DLGAP2: variants seen among roughly 807,000 people sequenced by gnomAD.
The protein encoded by DLGAP2 is disks large-associated protein 2.
A neutral mutation model predicts 100.3 loss-of-function variants in DLGAP2; 26 were observed. The ratio of observed to expected loss-of-function variants is 0.26; its 90% CI spans 0.19 to 0.36. The LOEUF is 0.36. DLGAP2 is among the 10% of genes least tolerant of loss of function. The pLI is 1.00. For synonymous variants in DLGAP2, 886 were observed against 630.1 expected, an observed-to-expected ratio of 1.41 and a Z score of -6.08; for missense variants, 1,858 against 1,453.2, an observed-to-expected ratio of 1.28 and a Z score of -4.53.
At chr8:1,665,541 A>AC (rs58912258) in intron 8 of DLGAP2, among the ~76,000 whole-genome samples, 2 of 152,124 alleles carry the variant, frequency 1.3e-5, no homozygotes, top group African/African-American at 4.8e-5. Context: ...GAAAAATATA[A>AC]TAAGGCAGAT....
intron 2 of DLGAP2, among the ~76,000 whole-genome samples, chr8:1,049,141 T>G (rs1361437127): frequency 2.0e-5 from 3 of 152,212 alleles, no homozygotes; most frequent in Non-Finnish European, 2.9e-5. Context: ...CAATAATGTT[T>G]AGACGACGAC....
intron 3 of DLGAP2, among the ~76,000 whole-genome samples, chr8:1,276,536 C>A (rs1389597328): frequency 6.6e-6 from 1 of 152,060 alleles, no homozygotes; most frequent in Non-Finnish European, 1.5e-5. Context: ...CTTTGCTTTA[C>A]CCTGAAGGTG....
At chr8:1,667,121 C>T (rs546794828) in intron 8 of DLGAP2, among the ~76,000 whole-genome samples, 38 of 152,262 alleles carry the variant, frequency 2.5e-4, no homozygotes, top group Non-Finnish European at 4.4e-4. Context: ...GGAGCAGATT[C>T]CCTTCAAGAA....
chr8:857,424 C>G (rs954170713), intron 1 of DLGAP2, among the ~76,000 whole-genome samples: 1 of 152,106 alleles, frequency 6.6e-6, no homozygotes, highest in East Asian at 1.9e-4. Flanking sequence ...AAAATATTTG[C>G]AAAACACACA....
chr8:951,638 A>G (rs1340937327), intron 2 of DLGAP2, among the ~76,000 whole-genome samples: 2 of 152,138 alleles, frequency 1.3e-5, no homozygotes, highest in Admixed American at 6.6e-5. Context: ...CATGCTCACT[A>G]TTTTTAATAA....
chr8:1,551,528 C>G (rs540855890), intron 5 of DLGAP2, among the ~76,000 whole-genome samples: 1 of 152,322 alleles, frequency 6.6e-6, no homozygotes, highest in East Asian at 1.9e-4. Context: ...TTCTTCCACC[C>G]ACTTCCTCCC....
At position 1,548,826 on chromosome 8, in the gene DLGAP2, G is replaced by A. The variant is rs946633525; in HGVS notation, c.373G>A (p.Ala125Thr). ...GCGGCCGCCCTACCTGCTGAGCCCCGCCGACAGCTGCCCCGGGGGGCGCCA... is the reference window on the plus strand; with the variant it reads ...GCGGCCGCCCTACCTGCTGAGCCCCACCGACAGCTGCCCCGGGGGGCGCCA... Reference protein sequence around the residue: ...DARPPYLLSPADSCPGGRHRC... With the variant: ...DARPPYLLSPTDSCPGGRHRC... Residue 125 changes from alanine (A) to threonine (T), a missense_variant, in exon 5 of 15, where the codon GCC becomes ACC. Transcript: ENST00000637795. 5.1e-6 allele frequency: 8 copies of A among 1,578,538 alleles called. No individual in the cohort carries two copies. Among genetic ancestry groups the A allele is most frequent in the South Asian group, 1.1e-5 (1 of 88,580 alleles).
intron 1 of DLGAP2, among the ~76,000 whole-genome samples, chr8:825,801 A>G (rs1395394219): frequency 6.6e-6 from 1 of 152,182 alleles, no homozygotes; most frequent in Non-Finnish European, 1.5e-5. Flanking sequence ...CAGGATGAAA[A>G]AGGTATCTGT....
intron 5 of DLGAP2, among the ~76,000 whole-genome samples, chr8:1,550,608 G>C (rs1554495910): frequency 6.6e-6 from 1 of 152,132 alleles, no homozygotes; most frequent in East Asian, 1.9e-4. Flanking sequence ...ACTACAAAAA[G>C]CCTGATTATG....
At chr8:1,591,887 C>T (rs550485913) in intron 6 of DLGAP2, among the ~76,000 whole-genome samples, 12 of 152,208 alleles carry the variant, frequency 7.9e-5, no homozygotes, top group Non-Finnish European at 1.5e-4. Flanking sequence ...CAAACTCCCA[C>T]GGACTCCCAG....
chr8:1,691,695 A>C, intron 13 of DLGAP2, 69 bp downstream of exon 13: 3 of 1,314,794 alleles, frequency 2.3e-6, no homozygotes, highest in Non-Finnish European at 2.2e-6. Flanking sequence ...ACAGATTCTC[A>C]TTGTTTTCTT....
chr8:1,056,648 A>C (rs1009983682), intron 2 of DLGAP2, among the ~76,000 whole-genome samples: 1 of 152,254 alleles, frequency 6.6e-6, no homozygotes, highest in Non-Finnish European at 1.5e-5. Flanking sequence ...ATGTGGATTT[A>C]TACAGGGATG....
chr8:1,288,021 T>A (rs1799979822), intron 3 of DLGAP2, among the ~76,000 whole-genome samples: 1 of 87,138 alleles, frequency 1.1e-5, no homozygotes, highest in African/African-American at 5.8e-5. Context: ...TTAGGGGGAC[T>A]AGTTTCGGTT....
chr8:1,156,639 G>GCTCAGGGCCCCA, intron 2 of DLGAP2, among the ~76,000 whole-genome samples: 1 of 147,546 alleles, frequency 6.8e-6, no homozygotes, highest in East Asian at 2.0e-4. Context: ...CCAGCGCCCC[G>GCTCAGGGCCCCA]GCTCAGCGCC....
chr8:984,289 T>A (rs898135357), intron 2 of DLGAP2, among the ~76,000 whole-genome samples: 12 of 152,106 alleles, frequency 7.9e-5, no homozygotes, highest in Non-Finnish European at 2.9e-5. Context: ...CTGGTCAAAA[T>A]CTCTCTCAAG....
At chr8:1,504,648 C>T (rs943353015) in intron 4 of DLGAP2, among the ~76,000 whole-genome samples, 3 of 152,196 alleles carry the variant, frequency 2.0e-5, no homozygotes, top group Non-Finnish European at 2.9e-5. Flanking sequence ...CGGCACCTGT[C>T]TTTCTGTGCC....
intron 6 of DLGAP2, among the ~76,000 whole-genome samples, chr8:1,607,837 TA>T (rs1339281668): frequency 1.3e-5 from 2 of 151,038 alleles, no homozygotes; most frequent in Non-Finnish European, 3.0e-5. Flanking sequence ...CAGACCGGCT[TA>T]AAAAACGGCG....
At chr8:1,069,888 C>G (rs914347856) in intron 2 of DLGAP2, among the ~76,000 whole-genome samples, 2 of 152,154 alleles carry the variant, frequency 1.3e-5, no homozygotes, top group African/African-American at 4.8e-5. Context: ...GCTAGAGAGG[C>G]CTCAGTTTCC....
intron 3 of DLGAP2, among the ~76,000 whole-genome samples, chr8:1,315,446 C>G (rs1484769510): frequency 7.0e-5 from 10 of 142,308 alleles, no homozygotes; most frequent in Non-Finnish European, 1.4e-4. Context: ...AGTGCAGCGT[C>G]TCTCCAACAG....
Sources: allele counts gnomAD v4.1 joint callset (sites outside exome capture counted in the v4.1 genomes callset), GRCh38; gene constraint gnomAD v4.1.1; transcripts MANE v1.5; gene names NCBI Gene and HGNC (gene_info 2026-07-23, HGNC 2026-07-21).